Variants in MMP16 observed in about 807,000 individuals in gnomAD.
The protein encoded by MMP16 is matrix metalloproteinase-16.
MMP16 carries 12 observed loss-of-function variants against 67.8 expected under a neutral mutation model. The ratio of observed to expected loss-of-function variants is 0.18; its 90% CI spans 0.11 to 0.29. The LOEUF (loss-of-function observed/expected upper bound fraction) is 0.29. Among genes scored for constraint, MMP16 ranks in the 10% least tolerant of loss-of-function variants. The pLI is 1.00. For synonymous variants in MMP16, 249 were observed against 255.9 expected (o/e 0.97, Z 0.26); for missense variants, 475 against 765.7 (o/e 0.62, Z 4.48).
chr8:88,215,741 A>C (rs13256568), intron 1 of MMP16, among the ~76,000 whole-genome samples: 26,495 of 152,096 alleles, frequency 0.17, 2,452 homozygotes, highest in South Asian at 0.2. Flanking sequence ...CATCTCCTGT[A>C]GTTTTTCTTA....
chr8:88,184,041 C>G (rs1051879887), intron 3 of MMP16, among the ~76,000 whole-genome samples: 14 of 152,164 alleles, frequency 9.2e-5, no homozygotes, highest in African/African-American at 3.4e-4. Flanking sequence ...CCACCGCGCC[C>G]GGCCCAAAAT....
intron 4 of MMP16, among the ~76,000 whole-genome samples, chr8:88,159,457 C>T (rs1045397001): frequency 1.3e-5 from 2 of 152,080 alleles, no homozygotes; most frequent in Non-Finnish European, 2.9e-5. Flanking sequence ...TGATTTGGCT[C>T]TCTGTTTGTC....
At chr8:88,097,902 G>A (rs934800399) in intron 6 of MMP16, among the ~76,000 whole-genome samples, 8 of 151,878 alleles carry the variant, frequency 5.3e-5, no homozygotes, top group Non-Finnish European at 1.0e-4. Context: ...CCTGGAGTTA[G>A]ACAAACTGTG....
intron 1 of MMP16, among the ~76,000 whole-genome samples, chr8:88,316,906 G>C (rs1811383050): frequency 6.6e-6 from 1 of 152,090 alleles, no homozygotes; most frequent in South Asian, 2.1e-4. Flanking sequence ...ACAGTAACAG[G>C]AGTTTGGAAA....
In MMP16 at chr8:88,040,898, A is replaced by G. The variant is rs945206361; in HGVS notation, c.*563T>C. On this transcript the variant is annotated 3_prime_UTR_variant, in exon 10 of 10. Coordinates refer to ENST00000286614, the MANE Select transcript of MMP16 (RefSeq NM_005941.5). Reference sequence around the variant, plus strand: ...AAAATGGTGCGTAGGAGACTATCCAAAGCAGTCAGAGAGCTATCTTCTTTG... The same window carrying G: ...AAAATGGTGCGTAGGAGACTATCCAGAGCAGTCAGAGAGCTATCTTCTTTG... The G allele has an allele frequency of 3.9e-5, 6 of 152,718 alleles. No homozygotes were observed. Among genetic ancestry groups the G allele is most frequent in the African/African-American group, 1.4e-4 (6 of 41,442 alleles). 9.5% of individuals were successfully genotyped at this position (152,718 alleles called of 1,614,324 possible). A position where few individuals can be genotyped will look rare whatever the true frequency, so the allele number is the denominator to read the frequency against.
intron 1 of MMP16, among the ~76,000 whole-genome samples, chr8:88,260,251 A>AAG (rs1252729328): frequency 1.3e-5 from 2 of 152,156 alleles, no homozygotes; most frequent in African/African-American, 4.8e-5. Flanking sequence ...TTCCTATGAA[A>AAG]CAGTTCCTTC....
intron 1 of MMP16, among the ~76,000 whole-genome samples, chr8:88,203,377 C>T (rs1809374918): frequency 6.6e-6 from 1 of 152,148 alleles, no homozygotes; most frequent in South Asian, 2.1e-4. Context: ...GCTGGGATTA[C>T]AGGCATGAGC....
chr8:88,216,600 C>T (rs1809598474), intron 1 of MMP16, among the ~76,000 whole-genome samples: 1 of 152,108 alleles, frequency 6.6e-6, no homozygotes, highest in Admixed American at 6.6e-5. Context: ...TCTGTCTTTC[C>T]TTGACTTTCA....
At chr8:88,051,065 C>T (rs188537677) in intron 8 of MMP16, among the ~76,000 whole-genome samples, 1 of 152,300 alleles carries the variant, frequency 6.6e-6, no homozygotes, top group African/African-American at 2.4e-5. Flanking sequence ...AACATAGGCT[C>T]AAACCCAAAG....
At chr8:88,121,554 A>G (rs1807831356) in intron 4 of MMP16, among the ~76,000 whole-genome samples, 1 of 152,050 alleles carries the variant, frequency 6.6e-6, no homozygotes, top group Non-Finnish European at 1.5e-5. Flanking sequence ...AATGATGAAA[A>G]TAATAACTGC....
chr8:88,063,044 C>A (rs948644219), intron 7 of MMP16, among the ~76,000 whole-genome samples: 1 of 152,074 alleles, frequency 6.6e-6, no homozygotes, highest in Non-Finnish European at 1.5e-5. Context: ...GTGGAAAAAA[C>A]TAGTTCTTAC....
intron 1 of MMP16, among the ~76,000 whole-genome samples, chr8:88,324,496 G>T (rs1307710721): frequency 6.6e-6 from 1 of 152,064 alleles, no homozygotes; most frequent in Admixed American, 6.5e-5. Flanking sequence ...AATCTTAGTT[G>T]TCAGCATAAA....
chr8:88,141,324 C>G (rs1808207214), intron 4 of MMP16, among the ~76,000 whole-genome samples: 1 of 152,124 alleles, frequency 6.6e-6, no homozygotes, highest in Non-Finnish European at 1.5e-5. Flanking sequence ...GTAATACACA[C>G]AAAATATGTG....
intron 1 of MMP16, among the ~76,000 whole-genome samples, chr8:88,232,095 T>A (rs1809868780): frequency 6.6e-6 from 1 of 152,160 alleles, no homozygotes; most frequent in Non-Finnish European, 1.5e-5. Context: ...TACTTCCAGA[T>A]TCTTTCATCT....
chr8:88,210,304 CTTTG>C (rs1041003216), intron 1 of MMP16, among the ~76,000 whole-genome samples: 15 of 152,252 alleles, frequency 9.9e-5, no homozygotes, highest in African/African-American at 3.1e-4. Flanking sequence ...TACATGGTTG[CTTTG>C]TTTATTTATG....
At chr8:88,263,324 C>G (rs1810420028) in intron 1 of MMP16, among the ~76,000 whole-genome samples, 1 of 152,092 alleles carries the variant, frequency 6.6e-6, no homozygotes, top group African/African-American at 2.4e-5. Flanking sequence ...CTTATCCTCT[C>G]AAATGTATCA....
At chr8:88,313,298 A>C (rs1436691492) in intron 1 of MMP16, among the ~76,000 whole-genome samples, 1 of 152,048 alleles carries the variant, frequency 6.6e-6, no homozygotes, top group Non-Finnish European at 1.5e-5. Flanking sequence ...AATATTCTTT[A>C]TTTTGCCTAA....
intron 6 of MMP16, 132 bp from the exon 7 acceptor site, chr8:88,074,875 A>G (rs1423967528): frequency 6.8e-6 from 8 of 1,184,210 alleles, no homozygotes; most frequent in East Asian, 2.4e-5. Context: ...AGTCAGAGAA[A>G]GAGCTAAACA....
intron 4 of MMP16, among the ~76,000 whole-genome samples, chr8:88,139,576 G>T (rs952496526): frequency 7.2e-5 from 11 of 152,028 alleles, no homozygotes; most frequent in African/African-American, 2.7e-4. Flanking sequence ...CACAAAACAT[G>T]GGAAAAGCAG....
Sources: allele counts gnomAD v4.1 joint callset (sites outside exome capture counted in the v4.1 genomes callset), GRCh38; gene constraint gnomAD v4.1.1; transcripts MANE v1.5; gene names NCBI Gene and HGNC (gene_info 2026-07-23, HGNC 2026-07-21).